The following QRICH2 variants were observed in gnomAD, a reference collection of about 807,000 sequenced individuals.
The protein encoded by QRICH2 is glutamine-rich protein 2.
A neutral mutation model predicts 168.3 loss-of-function variants in QRICH2; 119 were observed. The observed-to-expected ratio is 0.71, with a 90% confidence interval of 0.61 to 0.82. The LOEUF (loss-of-function observed/expected upper bound fraction) is 0.82, where lower values mean the gene tolerates loss of function less well. QRICH2 is among the 40% of genes least tolerant of loss of function. The pLI is 0.00. For synonymous variants in QRICH2, 894 were observed against 951.2 expected (o/e 0.94, Z 1.11); for missense variants, 2,241 against 2,491.6 (o/e 0.90, Z 2.14).
In QRICH2 at chr17:76,307,937, T is replaced by G. The variant is rs1009864968; in HGVS notation, c.62A>C (p.Glu21Ala). ...GGCCGTGAAGTTGACGGCGCCCACC[T>G]CTGGCGTGCCGATGGAGAGGTCCGC... ...ELADLSIGTP[E>A]VGAVNFTALH... Residue 21 changes from glutamate to alanine, a missense_variant, in exon 1 of 19, where the codon GAG (glutamate) becomes GCG (alanine). Transcript: ENST00000680821. This position sits in a 1 kb window ranked among gnomAD's most constrained non-coding sequence, Gnocchi z 5.3. 1 of 1,235,772 alleles carries G rather than the reference T, an allele frequency of 8.1e-7. No homozygotes were observed. The highest frequency in any genetic ancestry group is 1.0e-6 in the Non-Finnish European group (1 of 989,974). The allele number at this position is 1,235,772 out of a possible 1,614,324, so 76.6% of individuals were successfully genotyped here.
chr17:76,305,046 C>T, intron 1 of QRICH2, 105 bp from the exon 2 acceptor site: 2 of 801,924 alleles, frequency 2.5e-6, no homozygotes, highest in Non-Finnish European at 4.5e-6. Context: ...CTCAGACACA[C>T]ACATGCATAC....
chr17:76,283,132 A>G (rs2070819455), intron 7 of QRICH2, among the ~76,000 whole-genome samples: 1 of 152,192 alleles, frequency 6.6e-6, no homozygotes, highest in Admixed American at 6.5e-5. Flanking sequence ...AGATGCTGCC[A>G]CTTACAACCA....
At chr17:76,301,473 C>A in intron 3 of QRICH2, 1 of 231,844 alleles carries the variant, frequency 4.3e-6, no homozygotes, top group South Asian at 3.9e-5. Flanking sequence ...GAGGCTGAGG[C>A]AGGAGGATTG....
chr17:76,304,754 G>C, intron 2 of QRICH2, 128 bp downstream of exon 2: 1 of 804,340 alleles, frequency 1.2e-6, no homozygotes. Flanking sequence ...TCCAACCCTG[G>C]GGCAGAGACT....
At position 76,291,180 on chromosome 17, in the gene QRICH2, G is replaced by A. The variant is rs1367910657; in HGVS notation, c.3547C>T (p.Leu1183=). The A allele has an allele frequency of 6.2e-7, 1 of 1,614,104 alleles. No individual in the cohort carries two copies. The highest frequency in any genetic ancestry group is 8.5e-7 in the Non-Finnish European group (1 of 1,179,972). Residue 1183 remains leucine (L), a synonymous_variant, in exon 4 of 19, where the codon CTG becomes TTG. Transcript: ENST00000680821. The part of the protein sequence containing the change: ...SEVLSERRNS[L]RRMSSSFPTA... Reference sequence around the variant, plus strand: ...GGGAAACTAGAACTCATTCTACGCAGTGAATTGCGTCGCTCACTCAGGACT... The same window carrying A: ...GGGAAACTAGAACTCATTCTACGCAATGAATTGCGTCGCTCACTCAGGACT...
chr17:76,291,761 C>CGCGT lies in QRICH2; in HGVS notation c.2965_2966insACGC (p.Arg989HisfsTer98). 6.2e-7 allele frequency: 1 copy of CGCGT among 1,614,174 alleles called. No homozygotes were observed. Among genetic ancestry groups the CGCGT allele is most frequent in the South Asian group, 1.1e-5 (1 of 91,082 alleles). On this transcript the variant is annotated frameshift_variant, in exon 4 of 19. Transcript: ENST00000680821. LOFTEE classifies it high-confidence loss of function. ...ATCTGCCTGGAATGTTGAAGAGCCA[C>CGCGT]GAAGCTTTGTGCCTGGTGCTATCAA...
Position 76,292,520 on chromosome 17 carries a change from T to A in QRICH2, c.2207A>T (p.Asp736Val). ...VQHGLVQPGV[D>V]QRGLAQPRAD... is the part of the protein sequence containing the mutation. ...ACGAGGTTGTGCCAAACCACGCTGA[T>A]CTACTCCAGGTTGGACCAAACCATG... Residue 736 changes from aspartate to valine, a missense_variant, in exon 4 of 19, where the codon GAT becomes GTT. By Grantham distance (152) the Asp-to-Val change is radical. This residue lies in a region of QRICH2 where 2,047 missense variants were observed against 2,303.8 expected (regional missense o/e 0.89). Coordinates refer to ENST00000680821, the MANE Select transcript of QRICH2 (RefSeq NM_001388453.1). 1 of 1,568,610 alleles carries A rather than the reference T, an allele frequency of 6.4e-7. No homozygotes were observed. The highest frequency in any genetic ancestry group is 8.7e-7 in the Non-Finnish European group (1 of 1,151,144).
At chr17:76,284,935 C>A (rs2070854855) in intron 7 of QRICH2, among the ~76,000 whole-genome samples, 1 of 151,684 alleles carries the variant, frequency 6.6e-6, no homozygotes, top group African/African-American at 2.4e-5. Context: ...GAGATCCCAC[C>A]TCACACCCAC....
chr17:76,301,840 T>C (rs1387761791), intron 3 of QRICH2, among the ~76,000 whole-genome samples: 1 of 150,702 alleles, frequency 6.6e-6, no homozygotes, highest in Admixed American at 6.6e-5. Flanking sequence ...GTAGCTGGGA[T>C]TACAGGCTCC....
Position 76,280,425 on chromosome 17 carries a change from G to A in QRICH2, c.4488C>T (p.Thr1496=). The part of the protein sequence containing the change: ...DVKADKSALA[T]KVSRVQFDAT... The stretch of plus-strand genomic sequence containing the variant: ...CATCAAACTGGACACGGCTCACTTT[G>A]GTGGCCAGAGCACTCTTGTCGGCTT... Residue 1496 remains threonine (T), a synonymous_variant, in exon 11 of 19, where the codon ACC becomes ACT. Coordinates refer to ENST00000680821, the MANE Select transcript of QRICH2 (RefSeq NM_001388453.1). This position sits in a 1 kb window ranked among gnomAD's most constrained non-coding sequence, Gnocchi z 7.4. The A allele has an allele frequency of 6.2e-7, 1 of 1,614,100 alleles. No homozygotes were observed. Among genetic ancestry groups the A allele is most frequent in the Non-Finnish European group, 8.5e-7 (1 of 1,180,010 alleles).
At chr17:76,284,748 G>A (rs1396031570) in intron 7 of QRICH2, among the ~76,000 whole-genome samples, 8 of 151,630 alleles carry the variant, frequency 5.3e-5, no homozygotes, top group Non-Finnish European at 2.9e-5. Context: ...AACTCAGAGG[G>A]CGGAGGTTGC....
intron 7 of QRICH2, among the ~76,000 whole-genome samples, chr17:76,283,058 C>T (rs767902867): frequency 3.9e-5 from 6 of 152,194 alleles, no homozygotes; most frequent in Non-Finnish European, 8.8e-5. Flanking sequence ...CTGGAAGTTC[C>T]CTTTTCCTCC....
Position 76,280,405 on chromosome 17 carries a change from A to G in QRICH2, c.4508T>C (p.Phe1503Ser), listed in dbSNP as rs761503388. The change falls in exon 11 of 19, where the codon TTT (phenylalanine) becomes TCT (serine). Residue 1503 changes from phenylalanine to serine, a missense_variant. Phe to Ser is a radical substitution (Grantham distance 155). This residue lies in a region of QRICH2 where 2,047 missense variants were observed against 2,303.8 expected (regional missense o/e 0.89). Coordinates refer to ENST00000680821, the MANE Select transcript of QRICH2 (RefSeq NM_001388453.1). The surrounding 1 kb of genome is among the most constrained non-coding windows in gnomAD (Gnocchi z 7.4). Reference protein sequence around the residue: ...ALATKVSRVQFDATTEQLNHM... With the variant: ...ALATKVSRVQSDATTEQLNHM... ...GTTCAGCTGCTCCGTGGTGGCATCA[A>G]ACTGGACACGGCTCACTTTGGTGGC... The G allele has an allele frequency of 6.2e-7, 1 of 1,614,156 alleles. No homozygotes were observed. The highest frequency in any genetic ancestry group is 1.1e-5 in the South Asian group (1 of 91,082).
intron 7 of QRICH2, among the ~76,000 whole-genome samples, chr17:76,282,543 T>C (rs896074805): frequency 8.5e-5 from 13 of 152,082 alleles, no homozygotes; most frequent in Non-Finnish European, 1.2e-4. Flanking sequence ...TCACATGCCA[T>C]GGGGAACGGA....
intron 7 of QRICH2, among the ~76,000 whole-genome samples, chr17:76,284,816 CA>C (rs2070852542): frequency 7.3e-6 from 1 of 137,088 alleles, no homozygotes; most frequent in Non-Finnish European, 1.6e-5. Flanking sequence ...GACTCCGTCT[CA>C]AAGAAAAAAA....
At chr17:76,303,128 C>T (rs1380615354) in intron 3 of QRICH2, among the ~76,000 whole-genome samples, 1 of 152,040 alleles carries the variant, frequency 6.6e-6, no homozygotes, top group Non-Finnish European at 1.5e-5. Context: ...AAGTGATCCG[C>T]CCCCCTCGAC....
intron 3 of QRICH2, among the ~76,000 whole-genome samples, chr17:76,294,458 G>C (rs1191997454): frequency 6.6e-6 from 1 of 151,932 alleles, no homozygotes; most frequent in Admixed American, 6.6e-5. Flanking sequence ...TGACGTTCTG[G>C]GAGGCTAGGT....
At chr17:76,289,925 A>C (rs1220899021) in intron 5 of QRICH2, 67 bp downstream of exon 5, 1 of 1,117,022 alleles carries the variant, frequency 9.0e-7, no homozygotes, top group Non-Finnish European at 1.3e-6. Flanking sequence ...CACTCCAGCC[A>C]GGGCGACAAG....
intron 18 of QRICH2, 139 bp from the exon 19 acceptor site, chr17:76,274,399 C>T (rs1389457854): frequency 2.5e-5 from 10 of 408,032 alleles, no homozygotes; most frequent in Non-Finnish European, 3.0e-5. Flanking sequence ...GGGGAGCTGC[C>T]GGGGCCGGGG....
Sources: allele counts gnomAD v4.1 joint callset (sites outside exome capture counted in the v4.1 genomes callset), GRCh38; gene constraint gnomAD v4.1.1; regional missense constraint gnomAD v4.1.1; non-coding constraint Gnocchi (gnomAD v3.1); transcripts MANE v1.5; gene names NCBI Gene and HGNC (gene_info 2026-07-23, HGNC 2026-07-21).